SEMA3A: variants seen among roughly 807,000 people sequenced by gnomAD.
SEMA3A encodes semaphorin 3A, also known as semaphorin-3A.
Under a neutral mutation model 97.9 loss-of-function variants are expected in SEMA3A, and 29 were observed. The observed-to-expected ratio is 0.30, with a 90% CI of 0.22 to 0.40. The LOEUF (loss-of-function observed/expected upper bound fraction) is 0.40. SEMA3A is among the 10% of genes least tolerant of loss of function. SEMA3A has a pLI of 1.00. For synonymous variants in SEMA3A, 321 were observed against 323.7 expected (o/e 0.99, Z 0.09); for missense variants, 763 against 951.3 (o/e 0.80, Z 2.60).
chr7:84,034,971 TAA>T (rs1205960216), intron 6 of SEMA3A, among the ~76,000 whole-genome samples: 3 of 152,136 alleles, frequency 2.0e-5, no homozygotes, highest in Non-Finnish European at 4.4e-5. Flanking sequence ...AAATTAAATT[TAA>T]GTTAGGTTTA....
At chr7:84,312,316 A>T (rs1474524735) in intron 2 of SEMA3A, among the ~76,000 whole-genome samples, 1 of 151,874 alleles carries the variant, frequency 6.6e-6, no homozygotes, top group Non-Finnish European at 1.5e-5. Flanking sequence ...CTTTTTCAGC[A>T]GACTCTACAT....
At chr7:84,284,917 T>C (rs191819701) in intron 3 of SEMA3A, among the ~76,000 whole-genome samples, 46 of 152,282 alleles carry the variant, frequency 3.0e-4, no homozygotes, top group Admixed American at 1.4e-3. Context: ...ACCAAACATC[T>C]AGTAAGGCCT....
At chr7:84,303,733 T>C (rs2115835717) in intron 3 of SEMA3A, among the ~76,000 whole-genome samples, 1 of 152,242 alleles carries the variant, frequency 6.6e-6, no homozygotes, top group Non-Finnish European at 1.5e-5. Context: ...ATAAATTACA[T>C]GAGATATTCA....
At chr7:83,975,179 G>C (rs1310295470) in intron 15 of SEMA3A, among the ~76,000 whole-genome samples, 1 of 151,846 alleles carries the variant, frequency 6.6e-6, no homozygotes, top group African/African-American at 2.4e-5. Flanking sequence ...AAATTCCTTT[G>C]GTCAGTTTTT....
chr7:84,122,966 T>A (rs536273294), intron 3 of SEMA3A, among the ~76,000 whole-genome samples: 8 of 152,288 alleles, frequency 5.3e-5, no homozygotes, highest in Admixed American at 6.5e-5. Context: ...AGAATCAGAA[T>A]GTTATGAGAG....
At chr7:84,025,066 A>G (rs11975312) in intron 6 of SEMA3A, among the ~76,000 whole-genome samples, 104,793 of 151,476 alleles carry the variant, frequency 0.69, 36,422 homozygotes, top group Middle Eastern at 0.77. Context: ...CAGCCTGGGT[A>G]ACAAAGCGAG....
chr7:84,028,668 G>C (rs1481133558), intron 6 of SEMA3A, among the ~76,000 whole-genome samples: 1 of 152,116 alleles, frequency 6.6e-6, no homozygotes, highest in Non-Finnish European at 1.5e-5. Context: ...GCAGTGGCAC[G>C]ATCTCGGCTG....
chr7:84,471,685 A>T (rs1199985520), intron 1 of SEMA3A, among the ~76,000 whole-genome samples: 2 of 152,086 alleles, frequency 1.3e-5, no homozygotes, highest in Non-Finnish European at 1.5e-5. Context: ...AGCGTTATGA[A>T]ATCTAGACCT....
At chr7:84,387,633 C>A (rs1458783495) in intron 1 of SEMA3A, among the ~76,000 whole-genome samples, 1 of 152,118 alleles carries the variant, frequency 6.6e-6, no homozygotes, top group African/African-American at 2.4e-5. Context: ...TTAAATAATA[C>A]AGATACAGAT....
At chr7:84,186,742 A>G (rs1299434218) in intron 1 of SEMA3A, among the ~76,000 whole-genome samples, 5 of 151,556 alleles carry the variant, frequency 3.3e-5, no homozygotes, top group African/African-American at 1.2e-4. Context: ...CCATGTCACA[A>G]TAACTACATA....
chr7:84,066,974 A>C (rs1474411271), intron 4 of SEMA3A, among the ~76,000 whole-genome samples: 1 of 152,142 alleles, frequency 6.6e-6, no homozygotes, highest in Non-Finnish European at 1.5e-5. Context: ...GTCAATCCTA[A>C]GCCAAAAGAA....
chr7:84,374,026 A>G (rs1014348716), intron 1 of SEMA3A, among the ~76,000 whole-genome samples: 1 of 152,194 alleles, frequency 6.6e-6, no homozygotes, highest in Non-Finnish European at 1.5e-5. Flanking sequence ...TTGAAAAAGC[A>G]TGGTCAACAA....
intron 2 of SEMA3A, among the ~76,000 whole-genome samples, chr7:84,353,267 T>C (rs564496896): frequency 4.2e-4 from 64 of 151,880 alleles, no homozygotes; most frequent in Admixed American, 2.7e-3. Context: ...GTTGAATCCA[T>C]GGATGCAGAA....
intron 6 of SEMA3A, among the ~76,000 whole-genome samples, chr7:84,027,547 TTTAG>T (rs370854594): frequency 1.4e-4 from 22 of 152,324 alleles, no homozygotes; most frequent in Middle Eastern, 3.4e-3. Context: ...TTTGTTTGTT[TTTAG>T]TTAGAGTTTG....
intron 3 of SEMA3A, among the ~76,000 whole-genome samples, chr7:84,282,816 C>A (rs1198595418): frequency 6.6e-6 from 1 of 151,944 alleles, no homozygotes; most frequent in African/African-American, 2.4e-5. Context: ...GAATTTGAAA[C>A]CAGCGTGGCC....
rs1396329796 is a variant in SEMA3A, at chr7:84,060,480, C to T, written c.532G>A (p.Ala178Thr). ...GACTACGCACCTATTAAAAGGGATG[C>T]TGTCAGCAGCTTAGGGTCATATGGA... Reference protein sequence around the residue: ...KSPYDPKLLTASLLIDGELYS... With the variant: ...KSPYDPKLLTTSLLIDGELYS... Residue 178 changes from alanine to threonine, a missense_variant, in exon 5 of 17, where the codon GCA becomes ACA. Ala to Thr is a moderately conservative substitution (Grantham distance 58, BLOSUM62 0). This residue lies in a region of SEMA3A where 678 missense variants were observed against 881.3 expected (regional missense o/e 0.77). Transcript: ENST00000265362. The T allele has an allele frequency of 6.3e-7, 1 of 1,584,192 alleles. No individual in the cohort carries two copies. The highest frequency in any genetic ancestry group is 8.6e-7 in the Non-Finnish European group (1 of 1,169,236).
At chr7:84,206,013 T>C (rs1798483875) in intron 3 of SEMA3A, among the ~76,000 whole-genome samples, 2 of 152,158 alleles carry the variant, frequency 1.3e-5, no homozygotes, top group Non-Finnish European at 2.9e-5. Context: ...ACCCTTCTTT[T>C]AGAAATAGAG....
chr7:84,400,349 T>C (rs1364953180), intron 1 of SEMA3A, among the ~76,000 whole-genome samples: 1 of 152,098 alleles, frequency 6.6e-6, no homozygotes, highest in African/African-American at 2.4e-5. Flanking sequence ...ACCCAGAGAA[T>C]ATAAAATAGC....
intron 2 of SEMA3A, among the ~76,000 whole-genome samples, chr7:84,345,899 C>A (rs1480145959): frequency 1.3e-5 from 2 of 152,168 alleles, no homozygotes; most frequent in African/African-American, 2.4e-5. Flanking sequence ...AATGGTGAAT[C>A]CTTTCTAAGC....
Sources: allele counts gnomAD v4.1 joint callset (sites outside exome capture counted in the v4.1 genomes callset), GRCh38; gene constraint gnomAD v4.1.1; regional missense constraint gnomAD v4.1.1; transcripts MANE v1.5; gene names NCBI Gene and HGNC (gene_info 2026-07-23, HGNC 2026-07-21).